The following GRM7 variants were observed in gnomAD, a reference collection of about 807,000 sequenced individuals.
The protein encoded by GRM7 is glutamate metabotropic receptor 7.
GRM7 carries 35 observed loss-of-function variants against 84.5 expected under a neutral mutation model. That is an observed-to-expected ratio of 0.41 (90% CI 0.32 to 0.55). The LOEUF is 0.55. Among genes scored for constraint, GRM7 ranks in the 20% least tolerant of loss-of-function variants. The pLI is 0.19. For synonymous variants in GRM7, 487 were observed against 455.1 expected (o/e 1.07, Z -0.89); for missense variants, 1,003 against 1,194.6 (o/e 0.84, Z 2.36).
At chr3:7,045,807 T>C (rs912677571) in intron 1 of GRM7, among the ~76,000 whole-genome samples, 1 of 152,168 alleles carries the variant, frequency 6.6e-6, no homozygotes, top group African/African-American at 2.4e-5. Flanking sequence ...TGTTTCTATA[T>C]TTTGGTTACT....
chr3:6,883,933 T>C (rs1202119832), intron 1 of GRM7, among the ~76,000 whole-genome samples: 1 of 152,212 alleles, frequency 6.6e-6, no homozygotes, highest in East Asian at 1.9e-4. Flanking sequence ...AGGGCAGAGA[T>C]CATCAGCACA....
chr3:7,264,449 G>C (rs1036243788), intron 2 of GRM7, among the ~76,000 whole-genome samples: 1 of 152,088 alleles, frequency 6.6e-6, no homozygotes, highest in Non-Finnish European at 1.5e-5. Flanking sequence ...CAGGATTCCA[G>C]AGGCCTGTAG....
chr3:7,727,239 C>T (rs527323578), intron 9 of GRM7, among the ~76,000 whole-genome samples: 2 of 152,234 alleles, frequency 1.3e-5, no homozygotes, highest in South Asian at 2.1e-4. Flanking sequence ...TAATGTTAGG[C>T]ATTTGGGTTA....
intron 4 of GRM7, among the ~76,000 whole-genome samples, chr3:7,325,962 G>A (rs936549822): frequency 7.2e-5 from 11 of 151,964 alleles, no homozygotes; most frequent in South Asian, 4.1e-4. Context: ...GTGTTTCATC[G>A]TAATGAGTAA....
intron 7 of GRM7, among the ~76,000 whole-genome samples, chr3:7,568,918 C>T (rs554944998): frequency 5.2e-4 from 79 of 152,206 alleles, no homozygotes; most frequent in Admixed American, 6.5e-4. Flanking sequence ...CCCGGACGAG[C>T]GCCGCCCCCT....
At chr3:7,196,497 AG>A (rs1232926863) in intron 2 of GRM7, among the ~76,000 whole-genome samples, 2 of 152,110 alleles carry the variant, frequency 1.3e-5, no homozygotes, top group African/African-American at 4.8e-5. Flanking sequence ...CTTCAAAGAC[AG>A]GGACCGTCTT....
intron 8 of GRM7, among the ~76,000 whole-genome samples, chr3:7,659,877 A>C (rs1188956377): frequency 1.3e-5 from 2 of 152,184 alleles, no homozygotes; most frequent in African/African-American, 4.8e-5. Context: ...TAGTATAATC[A>C]CTGGGCGTTT....
At chr3:7,518,688 A>G (rs1700481714) in intron 7 of GRM7, among the ~76,000 whole-genome samples, 2 of 152,346 alleles carry the variant, frequency 1.3e-5, no homozygotes, top group South Asian at 4.1e-4. Flanking sequence ...CCAGCTGATC[A>G]TACTCTTAAG....
At chr3:6,932,841 G>A (rs940203293) in intron 1 of GRM7, among the ~76,000 whole-genome samples, 9 of 140,632 alleles carry the variant, frequency 6.4e-5, no homozygotes, top group Admixed American at 4.6e-4. Flanking sequence ...TGCAATCTTC[G>A]ACTCCTGGGT....
chr3:7,634,801 A>G (rs1001292268), intron 8 of GRM7, among the ~76,000 whole-genome samples: 2 of 151,892 alleles, frequency 1.3e-5, no homozygotes, highest in Non-Finnish European at 2.9e-5. Flanking sequence ...CTCAAAAAAA[A>G]AAAAAGAAAA....
intron 4 of GRM7, among the ~76,000 whole-genome samples, chr3:7,371,992 A>G (rs1694159358): frequency 6.6e-6 from 1 of 152,100 alleles, no homozygotes; most frequent in South Asian, 2.1e-4. Flanking sequence ...AGATGGATTA[A>G]GTTTGCTGGA....
chr3:7,416,757 G>C lies in GRM7; in HGVS notation c.1174+1594G>C, dbSNP rs75543321. Among the ~76,000 whole-genome samples the C allele has an allele frequency of 6.7e-3, 1,014 of 152,204 alleles. 20 individuals are homozygous for C. The highest frequency in any genetic ancestry group is 0.023 in the African/African-American group (962 of 41,542). ...GTTCTGAGATATGGTCCCTAGAATA[G>C]TGGGGGAAAAGGGAAAATATTAATT... On this transcript the variant is annotated intron_variant, in intron 5 of 9. Coordinates refer to ENST00000357716, the MANE Select transcript of GRM7 (RefSeq NM_000844.4).
At chr3:7,466,513 A>C (rs1182566092) in intron 7 of GRM7, among the ~76,000 whole-genome samples, 2 of 152,238 alleles carry the variant, frequency 1.3e-5, no homozygotes, top group East Asian at 3.8e-4. Context: ...TGTTGTAAGT[A>C]AAATATATTA....
intron 8 of GRM7, among the ~76,000 whole-genome samples, chr3:7,625,265 C>T (rs924885264): frequency 1.3e-5 from 2 of 152,024 alleles, no homozygotes; most frequent in Admixed American, 6.6e-5. Context: ...ATGCAAAGGG[C>T]CTTTCAAAGC....
chr3:7,092,780 A>G (rs1698716619), intron 1 of GRM7, among the ~76,000 whole-genome samples: 1 of 152,170 alleles, frequency 6.6e-6, no homozygotes, highest in Non-Finnish European at 1.5e-5. Context: ...GTCTGCCAAT[A>G]TTAGACTTCA....
chr3:7,425,204 T>C (rs775583120), intron 5 of GRM7, among the ~76,000 whole-genome samples: 18 of 152,226 alleles, frequency 1.2e-4, no homozygotes, highest in Non-Finnish European at 2.4e-4. Flanking sequence ...TGATCCCTTT[T>C]GGTCCGCACT....
Position 6,862,158 on chromosome 3 carries a change from A to G in GRM7, c.519+251A>G, listed in dbSNP as rs1162630165. On this transcript the variant is annotated intron_variant, in intron 1 of 9. Coordinates refer to ENST00000357716, the MANE Select transcript of GRM7 (RefSeq NM_000844.4). The surrounding 1 kb of genome is among the most constrained non-coding windows in gnomAD (Gnocchi z 5.2). ...ATCTGGATTTATGGCCCCATTTACA[A>G]GAAGCAATCTGCGAAAAACAAGGCG... 6.6e-6 allele frequency among the ~76,000 whole-genome samples: 1 copy of G among 152,100 alleles called. No individual in the cohort carries two copies. Among genetic ancestry groups the G allele is most frequent in the Non-Finnish European group, 1.5e-5 (1 of 68,022 alleles).
chr3:7,265,359 C>T (rs1217728511), intron 2 of GRM7, among the ~76,000 whole-genome samples: 1 of 152,176 alleles, frequency 6.6e-6, no homozygotes, highest in Non-Finnish European at 1.5e-5. Context: ...TTTCTAAGAA[C>T]TTTATTCATT....
chr3:7,660,362 AG>A (rs1699386566), intron 8 of GRM7, among the ~76,000 whole-genome samples: 1 of 152,234 alleles, frequency 6.6e-6, no homozygotes, highest in Non-Finnish European at 1.5e-5. Context: ...GAAAGAACAA[AG>A]GGATGCAGAA....
Sources: allele counts gnomAD v4.1 joint callset (sites outside exome capture counted in the v4.1 genomes callset), GRCh38; gene constraint gnomAD v4.1.1; non-coding constraint Gnocchi (gnomAD v3.1); transcripts MANE v1.5; gene names NCBI Gene and HGNC (gene_info 2026-07-23, HGNC 2026-07-21).